NLGN4X: variants seen among roughly 807,000 people sequenced by gnomAD.
NLGN4X encodes neuroligin-4, X-linked.
In NLGN4X, 3 loss-of-function variants were observed where a neutral mutation model predicts 40.3. That is an observed-to-expected ratio of 0.07 (90% confidence interval 0.03 to 0.19). The LOEUF (loss-of-function observed/expected upper bound fraction) is 0.19. Ranked by LOEUF, NLGN4X falls within the 10% of genes least tolerant of loss-of-function variation. NLGN4X has a pLI of 1.00. For missense variants in NLGN4X, 382 were observed against 708.3 expected (o/e 0.54, Z 5.23); for synonymous variants, 270 against 306.8 (o/e 0.88, Z 1.25).
chrX:6,050,349 A>G (rs942905606), intron 2 of NLGN4X, among the ~76,000 whole-genome samples: 1 of 111,331 alleles, frequency 9.0e-6, no homozygotes, highest in Non-Finnish European at 1.9e-5. Context: ...CTACCTGTCT[A>G]TCTATCCATC....
At chrX:6,133,749 C>G (rs1159109293) in intron 2 of NLGN4X, among the ~76,000 whole-genome samples, 1 of 111,745 alleles carries the variant, frequency 8.9e-6, no homozygotes, top group African/African-American at 3.3e-5. Flanking sequence ...CAATTGCTGT[C>G]TGACATGGAA....
intron 5 of NLGN4X, among the ~76,000 whole-genome samples, chrX:5,899,109 T>C (rs916775943): frequency 1.8e-5 from 2 of 112,420 alleles, no homozygotes; most frequent in Non-Finnish European, 3.8e-5. Flanking sequence ...AATCCACACG[T>C]TGCATTTCAC....
intron 3 of NLGN4X, among the ~76,000 whole-genome samples, chrX:5,911,794 A>G (rs2032488066): frequency 8.9e-6 from 1 of 112,124 alleles, no homozygotes; most frequent in South Asian, 3.7e-4. Flanking sequence ...AAGAGATCTG[A>G]CCTAACCAAC....
At chrX:5,999,534 A>C (rs921970006) in intron 3 of NLGN4X, among the ~76,000 whole-genome samples, 1 of 112,483 alleles carries the variant, frequency 8.9e-6, no homozygotes, top group African/African-American at 3.2e-5. Flanking sequence ...TTGTTAAATA[A>C]GGTTTATTTG....
At chrX:5,954,594 A>G (rs1323650079) in intron 3 of NLGN4X, among the ~76,000 whole-genome samples, 1 of 97,736 alleles carries the variant, frequency 1.0e-5, no homozygotes, top group East Asian at 3.4e-4. Flanking sequence ...GTCCCTGGCA[A>G]TCTCTGTCTC....
intron 3 of NLGN4X, among the ~76,000 whole-genome samples, chrX:6,010,692 C>T (rs781135502): frequency 9.2e-6 from 1 of 109,152 alleles, no homozygotes; most frequent in African/African-American, 3.3e-5. Flanking sequence ...CCATGCCCAG[C>T]TAATTTTTGT....
At chrX:6,082,956 C>CTTTT (rs1184184483) in intron 2 of NLGN4X, among the ~76,000 whole-genome samples, 10 of 45,966 alleles carry the variant, frequency 2.2e-4, no homozygotes, top group African/African-American at 3.3e-4. Context: ...GCGTTTTTTT[C>CTTTT]TTTTTTTTTT....
intron 1 of NLGN4X, among the ~76,000 whole-genome samples, chrX:6,156,256 T>C (rs2040262771): frequency 1.8e-5 from 2 of 112,135 alleles, no homozygotes; most frequent in Admixed American, 1.9e-4. Flanking sequence ...ACGCCTGTAA[T>C]CCCAGCACTT....
intron 3 of NLGN4X, among the ~76,000 whole-genome samples, chrX:5,917,788 G>A (rs1336909595): frequency 1.8e-5 from 2 of 111,882 alleles, no homozygotes; most frequent in Non-Finnish European, 3.8e-5. Context: ...GAGTCCAAAG[G>A]GAAAAAATTG....
intron 2 of NLGN4X, among the ~76,000 whole-genome samples, chrX:6,110,472 G>A (rs752800917): frequency 1.8e-5 from 2 of 112,015 alleles, no homozygotes; most frequent in Non-Finnish European, 3.8e-5. Flanking sequence ...AACCCTATAA[G>A]CAGATACGCA....
At chrX:6,072,088 T>G (rs73627047) in intron 2 of NLGN4X, among the ~76,000 whole-genome samples, 81 of 111,327 alleles carry the variant, frequency 7.3e-4, no homozygotes, top group African/African-American at 2.4e-3. Context: ...TTCTGTCATT[T>G]TCATGGACTG....
At chrX:6,125,946 T>C (rs2039533256) in intron 2 of NLGN4X, among the ~76,000 whole-genome samples, 1 of 108,942 alleles carries the variant, frequency 9.2e-6, no homozygotes, top group Admixed American at 9.9e-5. Flanking sequence ...CTATTTTTCA[T>C]ATACAATATA....
At chrX:6,215,247 T>G (rs1924968645) in intron 1 of NLGN4X, among the ~76,000 whole-genome samples, 1 of 111,848 alleles carries the variant, frequency 8.9e-6, no homozygotes, top group Non-Finnish European at 1.9e-5. Context: ...GGATAGTGTT[T>G]AAAATTATGG....
chrX:6,150,064 A>G (rs1343994109), intron 2 of NLGN4X, among the ~76,000 whole-genome samples: 2 of 111,415 alleles, frequency 1.8e-5, no homozygotes, highest in Non-Finnish European at 3.8e-5. Flanking sequence ...TTTCTACATT[A>G]GATACATCTA....
chrX:5,936,436 A>C (rs926828904), intron 3 of NLGN4X, among the ~76,000 whole-genome samples: 30 of 112,447 alleles, frequency 2.7e-4, no homozygotes, highest in African/African-American at 9.0e-4. Flanking sequence ...TAAATAATTA[A>C]GTCTCAATAT....
intron 1 of NLGN4X, among the ~76,000 whole-genome samples, chrX:6,160,883 AGAG>A: frequency 1.3e-5 from 1 of 76,561 alleles, no homozygotes; most frequent in Non-Finnish European, 2.7e-5. Context: ...ATATATAGAG[AGAG>A]AATAATATAA....
At chrX:6,044,307 C>T (rs1425208124) in intron 2 of NLGN4X, among the ~76,000 whole-genome samples, 1 of 110,396 alleles carries the variant, frequency 9.1e-6, no homozygotes, top group African/African-American at 3.3e-5. Flanking sequence ...ATATGTCACT[C>T]ATCTCTCTTT....
chrX:5,902,965 T>C (rs2031961145), intron 5 of NLGN4X, 112 bp downstream of exon 5: 2 of 831,712 alleles, frequency 2.4e-6, no homozygotes. Flanking sequence ...CATGCATGTG[T>C]ATGTGTGTGT....
intron 3 of NLGN4X, among the ~76,000 whole-genome samples, chrX:5,959,377 TTGTA>T (rs2034588470): frequency 8.9e-6 from 1 of 111,900 alleles, no homozygotes; most frequent in Non-Finnish European, 1.9e-5. Context: ...TTTAGCCAAT[TTGTA>T]TGTTTTGAAT....
Sources: gnomAD v4.1 joint callset for allele counts (sites outside exome capture counted in the v4.1 genomes callset) on GRCh38, gnomAD v4.1.1 for gene constraint, MANE v1.5 for transcripts, NCBI Gene and HGNC (gene_info 2026-07-23, HGNC 2026-07-21) for gene names.